Variants in SMARCA4 observed in about 807,000 individuals in gnomAD.
SMARCA4 encodes SWI/SNF related BAF chromatin remodeling complex subunit ATPase 4.
In SMARCA4, 31 loss-of-function variants were observed where a neutral mutation model predicts 193.9. That is an observed-to-expected ratio of 0.16 (90% confidence interval 0.12 to 0.22). The LOEUF is 0.22. SMARCA4 is among the 10% of genes least tolerant of loss of function. The probability of loss-of-function intolerance (pLI) is 1.00; values close to 1 mark genes in which losing one functional copy is unlikely to be tolerated. For missense variants in SMARCA4, 1,148 were observed against 2,296.0 expected, an observed-to-expected ratio of 0.50 and a Z score of 10.22; for synonymous variants, 942 against 933.1, an observed-to-expected ratio of 1.01 and a Z score of -0.17.
At chr19:10,961,993 G>A (rs868021044) in intron 1 of SMARCA4, among the ~76,000 whole-genome samples, 1 of 39,128 alleles carries the variant, frequency 2.6e-5, no homozygotes, top group East Asian at 6.6e-4. Flanking sequence ...TTTTTTTTTT[G>A]GTCAGTGACT....
intron 7 of SMARCA4, among the ~76,000 whole-genome samples, 193 bp from the exon 8 acceptor site, chr19:10,990,957 G>A (rs918628609): frequency 1.9e-4 from 29 of 152,252 alleles, no homozygotes; most frequent in African/African-American, 6.8e-4. Flanking sequence ...ATGTCCAGAA[G>A]TGATCACCTT....
chr19:11,035,870 G>C (rs1016249684), intron 29 of SMARCA4, among the ~76,000 whole-genome samples: 1 of 152,250 alleles, frequency 6.6e-6, no homozygotes, highest in African/African-American at 2.4e-5. Context: ...TCCCAGCTCA[G>C]GGGCTCTGAG....
intron 16 of SMARCA4, among the ~76,000 whole-genome samples, chr19:11,013,341 G>T (rs1194294514): frequency 6.6e-6 from 1 of 152,184 alleles, no homozygotes; most frequent in African/African-American, 2.4e-5. Flanking sequence ...GTCTTCACAT[G>T]GTCCTTCCTC....
chr19:11,022,364 A>G (rs2146433826), intron 19 of SMARCA4, among the ~76,000 whole-genome samples: 1 of 152,304 alleles, frequency 6.6e-6, no homozygotes, highest in South Asian at 2.1e-4. Flanking sequence ...GAAACTTGGA[A>G]GATTCCAGTT....
intron 16 of SMARCA4, among the ~76,000 whole-genome samples, chr19:11,013,755 A>G (rs555485345): frequency 2.0e-5 from 3 of 152,202 alleles, no homozygotes; most frequent in African/African-American, 7.2e-5. Flanking sequence ...AACAGTCTCT[A>G]CTTCCTCACT....
rs1419106837 is a variant in SMARCA4, at chr19:10,994,824, G to C, written c.1420-4G>C. ...TCAGCCTTCTCTTTTGTGCTTTCCT[G>C]CAGGAATACCTCAATAGCATTCTCC... On this transcript the variant is annotated splice_polypyrimidine_tract_variant and splice_region_variant and intron_variant, in intron 8 of 34. Transcript: ENST00000344626. 5.0e-6 allele frequency: 8 copies of C among 1,613,706 alleles called. No individual in the cohort carries two copies. Among genetic ancestry groups the C allele is most frequent in the Non-Finnish European group, 6.8e-6 (8 of 1,179,716 alleles).
rs2145719513 is a variant in SMARCA4 at position 10,984,128 on chromosome 19, C to A, written c.-24C>A. 1 of 1,613,458 alleles carries A rather than the reference C, an allele frequency of 6.2e-7. No homozygotes were observed. The highest frequency in any genetic ancestry group is 8.5e-7 in the Non-Finnish European group (1 of 1,179,816). ...ACCAGGACTGTCTTCCAGCAGGAGGCCACTGTCTGCAGCTCCCGTGAAGAT... is the reference window on the plus strand; with the variant it reads ...ACCAGGACTGTCTTCCAGCAGGAGGACACTGTCTGCAGCTCCCGTGAAGAT... On this transcript the variant is annotated 5_prime_UTR_variant, in exon 2 of 35. Transcript: ENST00000344626. The surrounding 1 kb of genome is among the most constrained non-coding windows in gnomAD (Gnocchi z 4.3).
intron 29 of SMARCA4, 36 bp downstream of exon 29, chr19:11,035,168 C>G: frequency 1.9e-6 from 3 of 1,577,488 alleles, no homozygotes; most frequent in Non-Finnish European, 2.6e-6. Flanking sequence ...TGCCGCAGGC[C>G]AGCGCCAGGC....
chr19:10,981,193 G>C (rs1193430623), intron 1 of SMARCA4, among the ~76,000 whole-genome samples: 1 of 152,200 alleles, frequency 6.6e-6, no homozygotes, highest in East Asian at 1.9e-4. Flanking sequence ...CTGTGGACCT[G>C]AGAAGACTGT....
chr19:10,977,390 C>G (rs905617038), intron 1 of SMARCA4, among the ~76,000 whole-genome samples: 1 of 150,664 alleles, frequency 6.6e-6, no homozygotes, highest in Non-Finnish European at 1.5e-5. Flanking sequence ...GTGGTGTGAT[C>G]TCGGCTCACT....
intron 11 of SMARCA4, among the ~76,000 whole-genome samples, chr19:11,002,503 A>AAAAT (rs61385310): frequency 0.065 from 9,809 of 151,342 alleles, 346 homozygotes; most frequent in South Asian, 0.11. Flanking sequence ...ATAAAAATAA[A>AAAAT]AAATAAAAAT....
At chr19:10,966,172 C>T (rs2084203455) in intron 1 of SMARCA4, among the ~76,000 whole-genome samples, 2 of 151,792 alleles carry the variant, frequency 1.3e-5, no homozygotes, top group Non-Finnish European at 2.9e-5. Context: ...TTAGTAGAAA[C>T]GGGGTTTCAC....
chr19:10,982,648 T>C (rs989073030), intron 1 of SMARCA4, among the ~76,000 whole-genome samples: 10 of 151,882 alleles, frequency 6.6e-5, no homozygotes, highest in Non-Finnish European at 7.4e-5. Context: ...TACAGGTGCC[T>C]GCCACCATGC....
chr19:10,984,513 CCCAGGGCCCACGGCCA>C lies in SMARCA4; in HGVS notation c.222+141_222+156del. 15 of 1,432,378 alleles carry C rather than the reference CCCAGGGCCCACGGCCA, an allele frequency of 1.0e-5. No individual in the cohort carries two copies. The highest frequency in any genetic ancestry group is 1.4e-5 in the Non-Finnish European group (15 of 1,050,306). 88.7% of individuals were successfully genotyped at this position (1,432,378 alleles called of 1,614,324 possible). ...GTCCTGCCTTGGCTCAGCCCCCTAC[CCCAGGGCCCACGGCCA>C]TGAACAGAAGGTTCAGCTCGTCAGA... On this transcript the variant is annotated intron_variant, in intron 2 of 34. Coordinates refer to ENST00000344626, the MANE Select transcript of SMARCA4 (RefSeq NM_003072.5). This position sits in a 1 kb window ranked among gnomAD's most constrained non-coding sequence, Gnocchi z 4.3.
chr19:10,969,872 C>G, intron 1 of SMARCA4, among the ~76,000 whole-genome samples: 1 of 152,124 alleles, frequency 6.6e-6, no homozygotes. Flanking sequence ...ACTCCCGTGC[C>G]TGGAACATTC....
At chr19:10,991,077 C>T (rs2145874857) in intron 7 of SMARCA4, 73 bp from the exon 8 acceptor site, 2 of 1,596,022 alleles carry the variant, frequency 1.3e-6, no homozygotes, top group African/African-American at 1.3e-5. Flanking sequence ...CATGTGACAT[C>T]ACCATACGTG....
At chr19:10,997,421 A>G (rs571612210) in intron 11 of SMARCA4, among the ~76,000 whole-genome samples, 2 of 151,890 alleles carry the variant, frequency 1.3e-5, no homozygotes, top group Non-Finnish European at 2.9e-5. Context: ...GATGGTTTCA[A>G]TCTCCTGACC....
intron 24 of SMARCA4, among the ~76,000 whole-genome samples, chr19:11,029,167 A>G (rs2090466087): frequency 6.6e-6 from 1 of 151,992 alleles, no homozygotes; most frequent in South Asian, 2.1e-4. Flanking sequence ...TGAAAACCAA[A>G]ATCCTTCAGG....
intron 1 of SMARCA4, among the ~76,000 whole-genome samples, chr19:10,972,392 G>A (rs2084745580): frequency 6.6e-6 from 1 of 150,600 alleles, no homozygotes; most frequent in South Asian, 2.1e-4. Context: ...CACCACGTCC[G>A]GCCCTGAATA....
Sources: allele counts gnomAD v4.1 joint callset (sites outside exome capture counted in the v4.1 genomes callset), GRCh38; gene constraint gnomAD v4.1.1; non-coding constraint Gnocchi (gnomAD v3.1); transcripts MANE v1.5; gene names NCBI Gene and HGNC (gene_info 2026-07-23, HGNC 2026-07-21).